Variants in NRG3 observed in about 807,000 individuals in gnomAD.
NRG3 encodes neuregulin 3, also known as pro-neuregulin-3, membrane-bound isoform.
A neutral mutation model predicts 66.9 loss-of-function variants in NRG3; 31 were observed. The ratio of observed to expected loss-of-function variants is 0.46; its 90% CI spans 0.35 to 0.63. The LOEUF (loss-of-function observed/expected upper bound fraction) is 0.63. Among genes scored for constraint, NRG3 ranks in the 20% least tolerant of loss-of-function variants. The pLI is 0.00. For missense variants in NRG3, 910 were observed against 878.9 expected (o/e 1.04, Z -0.45); for synonymous variants, 393 against 359.4 (o/e 1.09, Z -1.06).
At chr10:82,136,058 T>A (rs1179836746) in intron 1 of NRG3, among the ~76,000 whole-genome samples, 1 of 152,140 alleles carries the variant, frequency 6.6e-6, no homozygotes, top group Non-Finnish European at 1.5e-5. Flanking sequence ...CTTATCAGCA[T>A]TAGGGGACAC....
intron 2 of NRG3, among the ~76,000 whole-genome samples, chr10:82,505,959 T>G (rs911627795): frequency 6.6e-6 from 1 of 152,238 alleles, no homozygotes; most frequent in African/African-American, 2.4e-5. Flanking sequence ...ATTAAGAGAC[T>G]GTGCAAGGGC....
At chr10:82,140,736 A>C (rs2069713079) in intron 1 of NRG3, among the ~76,000 whole-genome samples, 1 of 152,162 alleles carries the variant, frequency 6.6e-6, no homozygotes, top group Non-Finnish European at 1.5e-5. Context: ...TCTCAAAAAA[A>C]TAAAAATAAA....
intron 1 of NRG3, among the ~76,000 whole-genome samples, chr10:82,158,088 C>T (rs1199582931): frequency 6.6e-6 from 1 of 151,604 alleles, no homozygotes; most frequent in Non-Finnish European, 1.5e-5. Context: ...AACATGATCT[C>T]CATTTAATAG....
intron 1 of NRG3, chr10:81,878,049 T>C: frequency 6.5e-7 from 1 of 1,537,444 alleles, no homozygotes; most frequent in East Asian, 2.4e-5. Flanking sequence ...CTTTCTCAAT[T>C]GATTTCCTTG....
At chr10:82,032,137 C>T (rs1425422636) in intron 1 of NRG3, among the ~76,000 whole-genome samples, 2 of 149,594 alleles carry the variant, frequency 1.3e-5, no homozygotes. Flanking sequence ...TATTTCCAAT[C>T]ACTGTTTTGA....
intron 4 of NRG3, among the ~76,000 whole-genome samples, chr10:82,914,107 T>C (rs554350783): frequency 6.6e-6 from 1 of 150,878 alleles, no homozygotes; most frequent in African/African-American, 2.4e-5. Flanking sequence ...CATTTTTTAC[T>C]TCCATTTCAG....
At chr10:82,019,541 A>T (rs2132726732) in intron 1 of NRG3, among the ~76,000 whole-genome samples, 1 of 152,284 alleles carries the variant, frequency 6.6e-6, no homozygotes, top group African/African-American at 2.4e-5. Flanking sequence ...CCTCTGGTAG[A>T]ATTCGGCTGT....
At chr10:82,533,721 AGAG>A (rs112955256) in intron 2 of NRG3, among the ~76,000 whole-genome samples, 3,582 of 152,248 alleles carry the variant, frequency 0.024, 66 homozygotes, top group Middle Eastern at 0.075. Flanking sequence ...TATACAACAA[AGAG>A]GAGAAGTCTT....
chr10:82,903,311 TG>T, intron 4 of NRG3, among the ~76,000 whole-genome samples: 1 of 152,254 alleles, frequency 6.6e-6, no homozygotes, highest in South Asian at 2.1e-4. Context: ...GTAAGCATTT[TG>T]CCTCTCCAGT....
intron 1 of NRG3, among the ~76,000 whole-genome samples, chr10:82,280,149 C>T (rs964216900): frequency 6.6e-6 from 1 of 151,476 alleles, no homozygotes; most frequent in Non-Finnish European, 1.5e-5. Flanking sequence ...CTAAGAACCT[C>T]TCTTCCCCCT....
At chr10:81,922,710 A>G (rs1846372820) in intron 1 of NRG3, among the ~76,000 whole-genome samples, 1 of 152,172 alleles carries the variant, frequency 6.6e-6, no homozygotes. Context: ...TGATTTGTAA[A>G]GCATTCCATC....
At chr10:82,319,250 T>C (rs1254057574) in intron 1 of NRG3, among the ~76,000 whole-genome samples, 1 of 152,224 alleles carries the variant, frequency 6.6e-6, no homozygotes, top group Non-Finnish European at 1.5e-5. Context: ...TTCCCATCTG[T>C]ACAGACAGCA....
intron 3 of NRG3, among the ~76,000 whole-genome samples, chr10:82,776,433 C>G (rs188343676): frequency 5.3e-5 from 8 of 152,112 alleles, no homozygotes; most frequent in African/African-American, 1.9e-4. Context: ...TGCTTGAAGA[C>G]TTTTGAGCTT....
chr10:82,353,620 A>G (rs1325871853), intron 1 of NRG3, among the ~76,000 whole-genome samples: 1 of 152,194 alleles, frequency 6.6e-6, no homozygotes, highest in Non-Finnish European at 1.5e-5. Context: ...ACATTAAACT[A>G]CATGTAACAA....
intron 2 of NRG3, among the ~76,000 whole-genome samples, chr10:82,375,515 C>A (rs777179650): frequency 2.8e-5 from 4 of 143,400 alleles, no homozygotes; most frequent in Non-Finnish European, 4.5e-5. Context: ...CCAGCCTGGG[C>A]GACAGAGTGA....
chr10:82,775,698 G>A (rs926848875), intron 3 of NRG3, among the ~76,000 whole-genome samples: 4 of 152,006 alleles, frequency 2.6e-5, no homozygotes, highest in Non-Finnish European at 5.9e-5. Context: ...TAATAGTGAG[G>A]TATTGGCATC....
chr10:82,323,762 A>G (rs975296791), intron 1 of NRG3, among the ~76,000 whole-genome samples: 9 of 152,154 alleles, frequency 5.9e-5, no homozygotes, highest in African/African-American at 2.2e-4. Context: ...AAGATTTTCA[A>G]CTACAGTTTA....
intron 1 of NRG3, among the ~76,000 whole-genome samples, chr10:82,058,189 C>T (rs919504794): frequency 6.6e-6 from 1 of 151,890 alleles, no homozygotes; most frequent in Non-Finnish European, 1.5e-5. Context: ...TTTTCCAGGG[C>T]TCTATGTATA....
intron 2 of NRG3, among the ~76,000 whole-genome samples, chr10:82,498,283 AT>A (rs1190025635): frequency 7.3e-5 from 11 of 151,290 alleles, no homozygotes; most frequent in East Asian, 1.9e-4. Flanking sequence ...CTTTGTGTTG[AT>A]TTTTTTTTGA....
Sources: gnomAD v4.1 joint callset for allele counts (sites outside exome capture counted in the v4.1 genomes callset) on GRCh38, gnomAD v4.1.1 for gene constraint, MANE v1.5 for transcripts, NCBI Gene and HGNC (gene_info 2026-07-23, HGNC 2026-07-21) for gene names.